Variants in ALMS1 observed in about 807,000 individuals in gnomAD.
ALMS1 encodes the protein ALMS1 centrosome and basal body associated protein, also known as centrosome-associated protein ALMS1.
In ALMS1, 271 loss-of-function variants were observed where a neutral mutation model predicts 352.2. The ratio of observed to expected loss-of-function variants is 0.77; its 90% CI spans 0.70 to 0.85. ALMS1 has a LOEUF of 0.85. ALMS1 is among the 40% of genes least tolerant of loss of function. The pLI is 0.00. For synonymous variants in ALMS1, 1,865 were observed against 1,761.2 expected, an observed-to-expected ratio of 1.06 and a Z score of -1.48; for missense variants, 5,445 against 4,870.7, an observed-to-expected ratio of 1.12 and a Z score of -3.51.
chr2:73,509,045 CCT>C (rs753627478), intron 10 of ALMS1, among the ~76,000 whole-genome samples: 13 of 152,054 alleles, frequency 8.5e-5, no homozygotes, highest in South Asian at 2.1e-4. Flanking sequence ...GATTTCAACC[CCT>C]GTTTTTTTTT....
chr2:73,445,056 A>T (rs2103764773), intron 7 of ALMS1, among the ~76,000 whole-genome samples: 1 of 152,198 alleles, frequency 6.6e-6, no homozygotes, highest in East Asian at 1.9e-4. Context: ...TTCTCTGTAC[A>T]CACAATAGGT....
At chr2:73,486,711 A>G (rs1227239789) in intron 9 of ALMS1, among the ~76,000 whole-genome samples, 1 of 152,170 alleles carries the variant, frequency 6.6e-6, no homozygotes, top group Admixed American at 6.5e-5. Flanking sequence ...TGTTTTATAT[A>G]TATTTTCCAG....
At chr2:73,463,277 G>C (rs1034495206) in intron 9 of ALMS1, among the ~76,000 whole-genome samples, 2 of 152,120 alleles carry the variant, frequency 1.3e-5, no homozygotes, top group Non-Finnish European at 2.9e-5. Context: ...CAATCAAATT[G>C]GAACTCAGGA....
chr2:73,394,898 T>G (rs11689392), intron 1 of ALMS1, among the ~76,000 whole-genome samples: 2 of 150,920 alleles, frequency 1.3e-5, no homozygotes, highest in African/African-American at 4.9e-5. Flanking sequence ...GTTGTAACAC[T>G]GTGGTAAGTA....
intron 12 of ALMS1, among the ~76,000 whole-genome samples, chr2:73,544,920 G>A (rs143882508): frequency 6.8e-4 from 104 of 152,296 alleles, no homozygotes; most frequent in African/African-American, 2.5e-3. Flanking sequence ...GATGAACTCT[G>A]AAGACATTAG....
intron 1 of ALMS1, among the ~76,000 whole-genome samples, chr2:73,403,759 C>T (rs2103663359): frequency 6.6e-6 from 1 of 152,126 alleles, no homozygotes; most frequent in Middle Eastern, 3.4e-3. Flanking sequence ...ACATTTATTT[C>T]TAAGTCTTTT....
intron 11 of ALMS1, among the ~76,000 whole-genome samples, chr2:73,526,587 G>A (rs769635536): frequency 6.6e-6 from 1 of 152,056 alleles, no homozygotes; most frequent in Non-Finnish European, 1.5e-5. Flanking sequence ...TTTTCACATT[G>A]TTCACTGTTG....
intron 16 of ALMS1, among the ~76,000 whole-genome samples, chr2:73,574,086 C>A (rs1436769233): frequency 6.6e-6 from 1 of 152,138 alleles, no homozygotes; most frequent in East Asian, 1.9e-4. Context: ...CAATAACATT[C>A]ACTTTTTAAT....
intron 9 of ALMS1, among the ~76,000 whole-genome samples, chr2:73,473,616 A>G (rs776366725): frequency 2.2e-4 from 34 of 152,118 alleles, no homozygotes; most frequent in Non-Finnish European, 4.4e-4. Flanking sequence ...AATGAGCTGA[A>G]CAATACCATC....
intron 9 of ALMS1, among the ~76,000 whole-genome samples, chr2:73,481,987 T>TG (rs1288084862): frequency 6.6e-6 from 1 of 152,096 alleles, no homozygotes; most frequent in Non-Finnish European, 1.5e-5. Flanking sequence ...GCTGAGACAG[T>TG]GGGGTTTTCT....
intron 10 of ALMS1, among the ~76,000 whole-genome samples, chr2:73,496,253 C>G (rs867690310): frequency 6.6e-6 from 1 of 152,192 alleles, no homozygotes; most frequent in African/African-American, 2.4e-5. Flanking sequence ...AGTCTTTCCT[C>G]TGATCCCTCA....
chr2:73,527,330 G>A (rs752934011), intron 11 of ALMS1, among the ~76,000 whole-genome samples: 16 of 151,690 alleles, frequency 1.1e-4, no homozygotes, highest in Admixed American at 6.6e-4. Flanking sequence ...TCTTGGAATA[G>A]TTTGAGTAGG....
intron 17 of ALMS1, among the ~76,000 whole-genome samples, chr2:73,600,228 G>A (rs1169245530): frequency 1.3e-5 from 2 of 152,092 alleles, no homozygotes; most frequent in Non-Finnish European, 2.9e-5. Flanking sequence ...TGGGAAGGAG[G>A]ATTTTTAGCT....
chr2:73,487,989 A>G (rs802113), intron 9 of ALMS1, among the ~76,000 whole-genome samples: 19,867 of 152,188 alleles, frequency 0.13, 1,385 homozygotes, highest in East Asian at 0.22. Context: ...ATGGGCTTCA[A>G]AGGGGAGGAG....
At chr2:73,498,659 A>G (rs1673158407) in intron 10 of ALMS1, among the ~76,000 whole-genome samples, 1 of 152,142 alleles carries the variant, frequency 6.6e-6, no homozygotes, top group Admixed American at 6.6e-5. Context: ...ATAAGTGACA[A>G]CATGCAGTGT....
intron 2 of ALMS1, among the ~76,000 whole-genome samples, 157 bp downstream of exon 2, chr2:73,408,904 A>C (rs1489316060): frequency 2.7e-5 from 3 of 112,628 alleles, no homozygotes; most frequent in Admixed American, 1.3e-4. Context: ...ACAGGGTCTC[A>C]CTCTGTCACC....
Position 73,448,999 on chromosome 2 carries a change from C to T in ALMS1, c.2472C>T (p.Ala824=), listed in dbSNP as rs368270850. The T allele has an allele frequency of 6.2e-7, 1 of 1,613,998 alleles. No homozygotes were observed. Among genetic ancestry groups the T allele is most frequent in the East Asian group, 2.2e-5 (1 of 44,854 alleles). Residue 824 remains alanine (A), a synonymous_variant, in exon 8 of 23, where the codon GCC becomes GCT. Transcript: ENST00000613296. ...REKLLVFYQQ[A]LLDSHLPEEA... ...AGCTCCTTGTTTTCTACCAACAGGC[C>T]TTGCTGGACAGCCATCTACCCGAAG... is the stretch of plus-strand genomic sequence containing the variant.
intron 16 of ALMS1, among the ~76,000 whole-genome samples, chr2:73,592,537 A>C (rs1361549522): frequency 6.6e-6 from 1 of 152,182 alleles, no homozygotes; most frequent in Non-Finnish European, 1.5e-5. Context: ...CTCTGGTCCT[A>C]AGCCTGAGTG....
At chr2:73,405,669 A>G (rs907901578) in intron 1 of ALMS1, among the ~76,000 whole-genome samples, 9 of 150,352 alleles carry the variant, frequency 6.0e-5, no homozygotes, top group Non-Finnish European at 1.0e-4. Flanking sequence ...GATTATTGAC[A>G]TGAATTTTTT....
Sources: allele counts gnomAD v4.1 joint callset (sites outside exome capture counted in the v4.1 genomes callset), GRCh38; gene constraint gnomAD v4.1.1; transcripts MANE v1.5; gene names NCBI Gene and HGNC (gene_info 2026-07-23, HGNC 2026-07-21).